Variants in CNTNAP2 observed in about 807,000 individuals in gnomAD.
The protein encoded by CNTNAP2 is contactin-associated protein-like 2.
A neutral mutation model predicts 155.2 loss-of-function variants in CNTNAP2; 98 were observed. That is an observed-to-expected ratio of 0.63 (90% confidence interval 0.54 to 0.75). The LOEUF is 0.75. Ranked by LOEUF, CNTNAP2 falls within the 30% of genes least tolerant of loss-of-function variation. CNTNAP2 has a pLI of 0.00. For synonymous variants in CNTNAP2, 651 were observed against 631.2 expected, an observed-to-expected ratio of 1.03 and a Z score of -0.47; for missense variants, 1,727 against 1,688.1, an observed-to-expected ratio of 1.02 and a Z score of -0.40.
chr7:146,981,828 G>C lies in CNTNAP2; in HGVS notation c.403-62079G>C, dbSNP rs373944983. 2.0e-5 allele frequency among the ~76,000 whole-genome samples: 3 copies of C among 152,138 alleles called. No individual in the cohort carries two copies. The East Asian group carries it at 5.8e-4, about 29-fold the overall frequency. On this transcript the variant is annotated intron_variant, in intron 3 of 23. Coordinates refer to ENST00000361727, the MANE Select transcript of CNTNAP2 (RefSeq NM_014141.6). ...TTTTATTTCAAATTAAGTAGATGAA[G>C]ATGGTATAAATCAGGAGTTAGCAAA...
intron 15 of CNTNAP2, chr7:148,056,442 A>T (rs548796726): frequency 2.6e-5 from 4 of 152,352 alleles, no homozygotes; most frequent in African/African-American, 9.6e-5. Context: ...GCTGGTATCA[A>T]GATTACATTT....
chr7:147,090,323 G>A (rs891772305), intron 4 of CNTNAP2, among the ~76,000 whole-genome samples: 7 of 103,190 alleles, frequency 6.8e-5, no homozygotes, highest in East Asian at 6.6e-4. Flanking sequence ...ACATATAAGC[G>A]TGTGTGTGTG....
intron 1 of CNTNAP2, among the ~76,000 whole-genome samples, chr7:146,448,370 G>GA (rs1796431685): frequency 6.6e-6 from 1 of 151,524 alleles, no homozygotes; most frequent in South Asian, 2.1e-4. Context: ...TGTAATTTCA[G>GA]AAGGGGGATA....
chr7:146,457,902 A>T (rs1161371588), intron 1 of CNTNAP2, among the ~76,000 whole-genome samples: 2 of 152,188 alleles, frequency 1.3e-5, no homozygotes, highest in African/African-American at 4.8e-5. Context: ...AAAAAGCATT[A>T]ATATATAATA....
chr7:147,683,394 A>G (rs1795975020), intron 13 of CNTNAP2, among the ~76,000 whole-genome samples: 1 of 151,916 alleles, frequency 6.6e-6, no homozygotes, highest in Non-Finnish European at 1.5e-5. Context: ...AAAATTCAAC[A>G]AAGAAATACC....
intron 3 of CNTNAP2, among the ~76,000 whole-genome samples, chr7:146,861,916 G>T (rs1274847945): frequency 6.6e-6 from 1 of 152,076 alleles, no homozygotes; most frequent in Non-Finnish European, 1.5e-5. Context: ...ATTAACCTCT[G>T]GGCATTGGAT....
chr7:146,717,115 G>T (rs1801202448), intron 1 of CNTNAP2, among the ~76,000 whole-genome samples: 1 of 152,066 alleles, frequency 6.6e-6, no homozygotes, highest in Middle Eastern at 3.2e-3. Flanking sequence ...TTATATAGGT[G>T]AAAGATCCTT....
At chr7:147,149,472 A>G (rs1372171248) in intron 8 of CNTNAP2, among the ~76,000 whole-genome samples, 1 of 152,210 alleles carries the variant, frequency 6.6e-6, no homozygotes, top group Non-Finnish European at 1.5e-5. Context: ...TGAATACAAA[A>G]AAGGGCAAAA....
chr7:146,607,361 T>C (rs1296940494), intron 1 of CNTNAP2, among the ~76,000 whole-genome samples: 1 of 152,128 alleles, frequency 6.6e-6, no homozygotes, highest in East Asian at 1.9e-4. Context: ...CCCTTGCTCC[T>C]CTACCTGGAG....
chr7:146,250,637 A>G (rs1336823208), intron 1 of CNTNAP2, among the ~76,000 whole-genome samples: 1 of 152,066 alleles, frequency 6.6e-6, no homozygotes, highest in Non-Finnish European at 1.5e-5. Flanking sequence ...CACTGCCTTC[A>G]CCCATATGAT....
At chr7:146,996,820 C>T (rs1002206700) in intron 3 of CNTNAP2, among the ~76,000 whole-genome samples, 2 of 152,068 alleles carry the variant, frequency 1.3e-5, no homozygotes, top group African/African-American at 4.8e-5. Context: ...ATTGTAGCTT[C>T]CGTAATTCCC....
intron 10 of CNTNAP2, among the ~76,000 whole-genome samples, chr7:147,397,736 G>A (rs1369536394): frequency 6.6e-6 from 1 of 150,400 alleles, no homozygotes; most frequent in East Asian, 2.0e-4. Context: ...GAAAATACAA[G>A]TTTCAATTTT....
intron 1 of CNTNAP2, among the ~76,000 whole-genome samples, chr7:146,768,324 C>T (rs968464352): frequency 6.6e-6 from 1 of 151,644 alleles, no homozygotes; most frequent in African/African-American, 2.4e-5. Flanking sequence ...TTTTGTCTTC[C>T]CCCGATGTCC....
intron 1 of CNTNAP2, among the ~76,000 whole-genome samples, chr7:146,712,436 A>T (rs906822284): frequency 6.7e-6 from 1 of 148,662 alleles, no homozygotes; most frequent in Non-Finnish European, 1.5e-5. Flanking sequence ...GCCAAAGCAC[A>T]GAAGAGGAAG....
At position 146,749,784 on chromosome 7, in the gene CNTNAP2, A is replaced by G. The variant is rs1801872123; in HGVS notation, c.98-24487A>G. On this transcript the variant is annotated intron_variant, in intron 1 of 23. Transcript: ENST00000361727. Reference sequence around the variant, plus strand: ...ATAGAAGATGGATTTCAGGGGTTGTAGTATTACCACCTCAATATTTGGAGG... The same window carrying G: ...ATAGAAGATGGATTTCAGGGGTTGTGGTATTACCACCTCAATATTTGGAGG... 3.3e-5 allele frequency among the ~76,000 whole-genome samples: 5 copies of G among 152,278 alleles called. No homozygotes were observed. In the South Asian group the frequency reaches 6.2e-4, roughly 19 times the overall value.
intron 10 of CNTNAP2, among the ~76,000 whole-genome samples, chr7:147,451,711 G>A (rs1364538515): frequency 1.4e-5 from 2 of 147,282 alleles, no homozygotes; most frequent in Non-Finnish European, 3.0e-5. Flanking sequence ...TCTAGGATAA[G>A]AATCCTTTGT....
intron 3 of CNTNAP2, among the ~76,000 whole-genome samples, chr7:146,914,287 T>G (rs981587960): frequency 1.3e-5 from 2 of 151,962 alleles, no homozygotes; most frequent in African/African-American, 4.8e-5. Flanking sequence ...GTATAGTGAT[T>G]TTTTTTCCCT....
intron 1 of CNTNAP2, among the ~76,000 whole-genome samples, chr7:146,592,789 C>G (rs1798802480): frequency 6.6e-6 from 1 of 152,076 alleles, no homozygotes; most frequent in Non-Finnish European, 1.5e-5. Context: ...GGAGAAGAGA[C>G]CCACAGCCAG....
intron 13 of CNTNAP2, among the ~76,000 whole-genome samples, chr7:147,743,795 T>G (rs1796995066): frequency 6.6e-6 from 1 of 152,084 alleles, no homozygotes; most frequent in African/African-American, 2.4e-5. Flanking sequence ...CAGGTTTATC[T>G]CCATCCCTAT....
Sources: allele counts gnomAD v4.1 joint callset (sites outside exome capture counted in the v4.1 genomes callset), GRCh38; gene constraint gnomAD v4.1.1; transcripts MANE v1.5; gene names NCBI Gene and HGNC (gene_info 2026-07-23, HGNC 2026-07-21).